TMEM132D: variants seen among roughly 807,000 people sequenced by gnomAD.
The protein encoded by TMEM132D is mature OL transmembrane protein.
A neutral mutation model predicts 62.3 loss-of-function variants in TMEM132D; 21 were observed. The ratio of observed to expected loss-of-function variants is 0.34; its 90% confidence interval spans 0.24 to 0.49. TMEM132D has a LOEUF of 0.49. Ranked by LOEUF, TMEM132D falls within the 20% of genes least tolerant of loss-of-function variation. TMEM132D has a pLI of 0.99. For synonymous variants in TMEM132D, 621 were observed against 575.6 expected (o/e 1.08, Z -1.13); for missense variants, 1,346 against 1,402.8 (o/e 0.96, Z 0.65).
chr12:129,621,268 C>T (rs1436725546), intron 2 of TMEM132D, among the ~76,000 whole-genome samples: 1 of 152,178 alleles, frequency 6.6e-6, no homozygotes, highest in Non-Finnish European at 1.5e-5. Flanking sequence ...TCTCTCCCTT[C>T]CAGCTCTCTG....
chr12:129,226,142 T>C (rs1314298018), intron 4 of TMEM132D, among the ~76,000 whole-genome samples: 1 of 152,216 alleles, frequency 6.6e-6, no homozygotes, highest in Non-Finnish European at 1.5e-5. Context: ...TAAACTTCTT[T>C]CTGGAATGGG....
intron 3 of TMEM132D, among the ~76,000 whole-genome samples, chr12:129,507,681 A>G (rs1488648990): frequency 6.6e-6 from 1 of 152,148 alleles, no homozygotes; most frequent in Admixed American, 6.6e-5. Context: ...CACAAGAATG[A>G]CACAGTGGAT....
At chr12:129,237,221 T>G (rs1304286830) in intron 4 of TMEM132D, among the ~76,000 whole-genome samples, 2 of 152,174 alleles carry the variant, frequency 1.3e-5, no homozygotes, top group Non-Finnish European at 2.9e-5. Context: ...TTCAATTTTT[T>G]GAAACTCAAA....
chr12:129,749,377 A>ATT (rs1251308712), intron 1 of TMEM132D, among the ~76,000 whole-genome samples: 12 of 152,310 alleles, frequency 7.9e-5, no homozygotes, highest in Admixed American at 6.5e-4. Flanking sequence ...AACTTTCATG[A>ATT]ACTGTCATTA....
rs2137225184 is a variant in TMEM132D at position 129,699,837 on chromosome 12, T to A, written c.941A>T (p.Asn314Ile). 1 of 1,614,124 alleles carries A rather than the reference T, an allele frequency of 6.2e-7. No individual in the cohort carries two copies. Among genetic ancestry groups the A allele is most frequent in the South Asian group, 1.1e-5 (1 of 91,072 alleles). The change falls in exon 2 of 9, where the codon AAT becomes ATT. Residue 314 changes from asparagine to isoleucine, a missense_variant. Transcript: ENST00000422113. ...CAACGTGAAGCGATCTTCAGTGGAA[T>A]TTCTGGAGATGGAAACAGGAAAAGT... ...VLTFPVSISR[N>I]STEDRFTLRA...
At chr12:129,211,019 C>T (rs1437435552) in intron 4 of TMEM132D, 2 of 152,134 alleles carry the variant, frequency 1.3e-5, no homozygotes, top group Non-Finnish European at 2.9e-5. Flanking sequence ...GCCCATTTTT[C>T]AGATAGAGAA....
intron 5 of TMEM132D, among the ~76,000 whole-genome samples, chr12:129,145,988 G>A (rs772480501): frequency 6.6e-6 from 1 of 152,026 alleles, no homozygotes; most frequent in Non-Finnish European, 1.5e-5. Context: ...ACAAAATAAG[G>A]TGGGTACACC....
intron 3 of TMEM132D, among the ~76,000 whole-genome samples, chr12:129,457,341 C>CA (rs1311048087): frequency 6.9e-6 from 1 of 145,398 alleles, no homozygotes; most frequent in Non-Finnish European, 1.5e-5. Flanking sequence ...ATTGCAAGGA[C>CA]AAAAAACCAA....
chr12:129,187,544 C>T (rs1878252880), intron 5 of TMEM132D, among the ~76,000 whole-genome samples: 2 of 152,164 alleles, frequency 1.3e-5, no homozygotes, highest in Admixed American at 1.3e-4. Context: ...GTTTATCATC[C>T]TGTATCACAA....
chr12:129,340,982 G>A (rs1254991576), intron 3 of TMEM132D, among the ~76,000 whole-genome samples: 1 of 152,154 alleles, frequency 6.6e-6, no homozygotes, highest in African/African-American at 2.4e-5. Context: ...TATGGACCGA[G>A]TTCCTGACAA....
intron 4 of TMEM132D, among the ~76,000 whole-genome samples, chr12:129,300,039 C>A (rs112034594): frequency 0.012 from 1,786 of 152,250 alleles, 39 homozygotes; most frequent in African/African-American, 0.041. Flanking sequence ...AACCTCACAC[C>A]TTTTCTTTTG....
intron 3 of TMEM132D, among the ~76,000 whole-genome samples, chr12:129,463,679 G>C (rs1459387479): frequency 6.7e-6 from 1 of 150,330 alleles, no homozygotes; most frequent in African/African-American, 2.5e-5. Context: ...CTGTGTCCAT[G>C]TGTTCTCATT....
At chr12:129,295,428 T>G (rs975288668) in intron 4 of TMEM132D, among the ~76,000 whole-genome samples, 1 of 85,536 alleles carries the variant, frequency 1.2e-5, no homozygotes, top group African/African-American at 5.4e-5. Flanking sequence ...CATATTAGCC[T>G]TTTTTTTTTT....
chr12:129,274,868 C>CA (rs1487468843), intron 4 of TMEM132D, among the ~76,000 whole-genome samples: 3 of 152,214 alleles, frequency 2.0e-5, no homozygotes, highest in African/African-American at 4.8e-5. Flanking sequence ...GCCTGGGCGA[C>CA]AGAGCGAGAC....
chr12:129,175,613 C>A (rs1324735997), intron 5 of TMEM132D, among the ~76,000 whole-genome samples: 1 of 152,142 alleles, frequency 6.6e-6, no homozygotes, highest in Non-Finnish European at 1.5e-5. Flanking sequence ...GAGGCTGACG[C>A]AAGAGAATCA....
intron 1 of TMEM132D, among the ~76,000 whole-genome samples, chr12:129,774,581 C>T (rs984847864): frequency 2.0e-5 from 3 of 152,118 alleles, no homozygotes; most frequent in Non-Finnish European, 2.9e-5. Flanking sequence ...CAACTGTAAC[C>T]GGGGTAGAGA....
intron 4 of TMEM132D, among the ~76,000 whole-genome samples, chr12:129,335,338 A>G (rs1481500112): frequency 6.6e-6 from 1 of 151,746 alleles, no homozygotes; most frequent in Non-Finnish European, 1.5e-5. Flanking sequence ...GGGTTTTGCC[A>G]TGTTGGTCAA....
chr12:129,283,938 T>C (rs1881227590), intron 4 of TMEM132D, among the ~76,000 whole-genome samples: 1 of 152,188 alleles, frequency 6.6e-6, no homozygotes, highest in Non-Finnish European at 1.5e-5. Flanking sequence ...ATTTGACCAA[T>C]GGAAAGCACT....
chr12:129,323,835 A>G (rs1436650989), intron 4 of TMEM132D, among the ~76,000 whole-genome samples: 1 of 152,056 alleles, frequency 6.6e-6, no homozygotes, highest in Non-Finnish European at 1.5e-5. Context: ...AATGAGGAAT[A>G]GTGGGTAGGT....
Sources: gnomAD v4.1 joint callset for allele counts (sites outside exome capture counted in the v4.1 genomes callset) on GRCh38, gnomAD v4.1.1 for gene constraint, MANE v1.5 for transcripts, NCBI Gene and HGNC (gene_info 2026-07-23, HGNC 2026-07-21) for gene names.